Variants in ZNF624 observed in about 807,000 individuals in gnomAD.
ZNF624 encodes the protein zinc finger protein 624.
ZNF624 carries 43 observed loss-of-function variants against 74.7 expected under a neutral mutation model. The ratio of observed to expected loss-of-function variants is 0.58; its 90% confidence interval spans 0.45 to 0.74. ZNF624 has a LOEUF of 0.74. Among genes scored for constraint, ZNF624 ranks in the 30% least tolerant of loss-of-function variants. The probability of loss-of-function intolerance (pLI) is 0.00; values close to 1 mark genes in which losing one functional copy is unlikely to be tolerated. For missense variants in ZNF624, 820 were observed against 1,030.0 expected (o/e 0.80, Z 2.79); for synonymous variants, 331 against 341.3 (o/e 0.97, Z 0.33).
chr17:16,616,892 G>A (rs1908802460), downstream of ZNF624: 3 of 1,456,312 alleles, frequency 2.1e-6, no homozygotes, highest in Non-Finnish European at 2.8e-6. Flanking sequence ...GACTTTGAGC[G>A]AGATCTAGAA....
intron 5 of ZNF624, among the ~76,000 whole-genome samples, chr17:16,630,844 A>G (rs149184383): frequency 0.014 from 2,162 of 149,974 alleles, 30 homozygotes; most frequent in Non-Finnish European, 0.025. Flanking sequence ...AAAAAATTAA[A>G]TGAACTAAAT....
intron 3 of ZNF624, among the ~76,000 whole-genome samples, chr17:16,637,008 G>T (rs1351471282): frequency 3.3e-5 from 5 of 152,132 alleles, no homozygotes; most frequent in Non-Finnish European, 5.9e-5. Flanking sequence ...ACATAGTGTT[G>T]GAAGTTCTGG....
intron 5 of ZNF624, chr17:16,631,358 A>G (rs1305849504): frequency 2.0e-5 from 3 of 152,204 alleles, no homozygotes; most frequent in Admixed American, 2.0e-4. Context: ...TAAGAATGGA[A>G]TAAAATAATA....
At chr17:16,643,733 C>A (rs150349542) in intron 3 of ZNF624, among the ~76,000 whole-genome samples, 132 of 152,218 alleles carry the variant, frequency 8.7e-4, no homozygotes, top group African/African-American at 3.0e-3. Flanking sequence ...TCTTCCCTCC[C>A]AGGGGAAAAT....
At chr17:16,636,398 G>A (rs1909330972) in intron 3 of ZNF624, among the ~76,000 whole-genome samples, 3 of 152,152 alleles carry the variant, frequency 2.0e-5, no homozygotes, top group Admixed American at 1.3e-4. Context: ...AAAAGAATTA[G>A]AACATCACAA....
chr17:16,642,622 A>G (rs115585669), intron 3 of ZNF624, among the ~76,000 whole-genome samples: 5,540 of 152,244 alleles, frequency 0.036, 336 homozygotes, highest in African/African-American at 0.13. Flanking sequence ...GAATTATTAG[A>G]TATGACACCA....
At chr17:16,617,498 A>C (rs1229004436), downstream of ZNF624, 2 of 1,598,312 alleles carry the variant, frequency 1.3e-6, no homozygotes, top group African/African-American at 1.3e-5. Flanking sequence ...TGTCGCATAA[A>C]ATCCTTTAAA....
chr17:16,635,554 C>G (rs953314477), intron 3 of ZNF624, among the ~76,000 whole-genome samples: 1 of 152,010 alleles, frequency 6.6e-6, no homozygotes, highest in Non-Finnish European at 1.5e-5. Context: ...TAGAGAGGAA[C>G]TATTTTGAGT....
chr17:16,617,266 C>T (rs1908809777), downstream of ZNF624: 40 of 1,613,544 alleles, frequency 2.5e-5, no homozygotes, highest in South Asian at 3.3e-5. Context: ...GCGACTCCTA[C>T]TTCGTGACCA....
intron 3 of ZNF624, among the ~76,000 whole-genome samples, chr17:16,645,945 CA>C (rs35486112): frequency 0.015 from 855 of 56,002 alleles, no homozygotes; most frequent in African/African-American, 0.023. Context: ...GACTCCATCT[CA>C]AAAAAAAAAA....
downstream of ZNF624, among the ~76,000 whole-genome samples, chr17:16,620,247 T>C (rs548931713): frequency 4.3e-4 from 66 of 152,326 alleles, no homozygotes; most frequent in South Asian, 0.013. Context: ...TGGGTTCCCA[T>C]TGTTACTCTA....
chr17:16,640,655 C>T (rs1433165690), intron 3 of ZNF624, among the ~76,000 whole-genome samples: 1 of 152,078 alleles, frequency 6.6e-6, no homozygotes, highest in Non-Finnish European at 1.5e-5. Context: ...ATGAAATGGA[C>T]AAATTCGTAG....
downstream of ZNF624, among the ~76,000 whole-genome samples, chr17:16,616,192 AAAG>A (rs1908790352): frequency 6.6e-6 from 1 of 151,716 alleles, no homozygotes; most frequent in Non-Finnish European, 1.5e-5. Context: ...AGGGGCAGAT[AAAG>A]ACTTTGGCAA....
downstream of ZNF624, among the ~76,000 whole-genome samples, chr17:16,618,269 G>C (rs145743636): frequency 3.2e-3 from 482 of 152,150 alleles, 3 homozygotes; most frequent in African/African-American, 0.01. Context: ...AGCCGAGATT[G>C]TGCCACTGCA....
At chr17:16,633,058 A>G (rs1909242515) in intron 5 of ZNF624, among the ~76,000 whole-genome samples, 1 of 152,168 alleles carries the variant, frequency 6.6e-6, no homozygotes, top group Non-Finnish European at 1.5e-5. Context: ...TCACCTCTTC[A>G]GAAGCTCCCC....
At chr17:16,650,524 T>G (rs1234970929) in intron 1 of ZNF624, among the ~76,000 whole-genome samples, 1 of 152,116 alleles carries the variant, frequency 6.6e-6, no homozygotes, top group Non-Finnish European at 1.5e-5. Context: ...AAAAGTTTTA[T>G]CCTATGGAGC....
intron 5 of ZNF624, 104 bp from the exon 6 acceptor site, chr17:16,624,613 GT>G: frequency 9.4e-7 from 1 of 1,063,442 alleles, no homozygotes; most frequent in East Asian, 2.7e-5. Context: ...TGAATATATG[GT>G]TTTAATTGCT....
intron 5 of ZNF624, among the ~76,000 whole-genome samples, chr17:16,630,503 G>A (rs1263576175): frequency 1.3e-5 from 2 of 152,166 alleles, no homozygotes; most frequent in African/African-American, 2.4e-5. Flanking sequence ...TTTGCAGTGA[G>A]CCGAGATCAC....
chr17:16,617,625 C>G, downstream of ZNF624: 1 of 1,606,358 alleles, frequency 6.2e-7, no homozygotes, highest in Non-Finnish European at 8.5e-7. Context: ...ACCTCCACCA[C>G]GGCGGCTTCC....
Sources: gnomAD v4.1 joint callset for allele counts (sites outside exome capture counted in the v4.1 genomes callset) on GRCh38, gnomAD v4.1.1 for gene constraint, MANE v1.5 for transcripts, NCBI Gene and HGNC (gene_info 2026-07-23, HGNC 2026-07-21) for gene names.